ADAMTS20: variants seen among roughly 807,000 people sequenced by gnomAD.
ADAMTS20 encodes A disintegrin and metalloproteinase with thrombospondin motifs 20.
A neutral mutation model predicts 260.1 loss-of-function variants in ADAMTS20; 225 were observed. The ratio of observed to expected loss-of-function variants is 0.87; its 90% CI spans 0.78 to 0.97. ADAMTS20 has a LOEUF of 0.97. ADAMTS20 is among the 50% of genes least tolerant of loss of function. ADAMTS20 has a pLI of 0.00. For synonymous variants in ADAMTS20, 802 were observed against 769.5 expected (o/e 1.04, Z -0.70); for missense variants, 2,400 against 2,337.7 (o/e 1.03, Z -0.55).
chr12:43,360,224 G>GTA (rs1939837622), intron 37 of ADAMTS20, among the ~76,000 whole-genome samples: 1 of 152,166 alleles, frequency 6.6e-6, no homozygotes, highest in African/African-American at 2.4e-5. Flanking sequence ...TGAGGTGGAT[G>GTA]TATCACCTGA....
intron 7 of ADAMTS20, among the ~76,000 whole-genome samples, chr12:43,479,165 G>A (rs539002778): frequency 2.6e-5 from 4 of 152,286 alleles, no homozygotes; most frequent in African/African-American, 7.2e-5. Flanking sequence ...GAGATAAAGA[G>A]AGTCACTACA....
chr12:43,405,870 G>A (rs1369281084), intron 28 of ADAMTS20, among the ~76,000 whole-genome samples: 1 of 152,128 alleles, frequency 6.6e-6, no homozygotes, highest in African/African-American at 2.4e-5. Context: ...ATAAGTCATC[G>A]TTGAAAATGT....
chr12:43,373,670 CTTTTTTTTTTTTTT>C (rs71091149), intron 36 of ADAMTS20, among the ~76,000 whole-genome samples: 2 of 71,262 alleles, frequency 2.8e-5, no homozygotes, highest in Non-Finnish European at 2.4e-5. Context: ...AATATCATCT[CTTTTTTTTTTTTTT>C]TTTTTTTTTT....
intron 2 of ADAMTS20, among the ~76,000 whole-genome samples, chr12:43,535,480 C>A (rs1425264304): frequency 6.6e-6 from 1 of 152,056 alleles, no homozygotes; most frequent in East Asian, 1.9e-4. Flanking sequence ...TATAATTAAC[C>A]TATAAACTCC....
chr12:43,452,037 C>CCA (rs2137351181), intron 14 of ADAMTS20, among the ~76,000 whole-genome samples: 1 of 152,062 alleles, frequency 6.6e-6, no homozygotes, highest in Non-Finnish European at 1.5e-5. Flanking sequence ...GTACAATAGA[C>CCA]CACAGAAAGT....
At chr12:43,502,547 A>G in intron 3 of ADAMTS20, 142 bp from the exon 4 acceptor site, 1 of 833,560 alleles carries the variant, frequency 1.2e-6, no homozygotes, top group Admixed American at 3.0e-5. Flanking sequence ...AGAAATTGTT[A>G]TTTAAAATAG....
At chr12:43,363,838 C>A (rs1473502912) in intron 37 of ADAMTS20, among the ~76,000 whole-genome samples, 2 of 152,146 alleles carry the variant, frequency 1.3e-5, no homozygotes, top group Non-Finnish European at 2.9e-5. Context: ...CTTTCCTGAT[C>A]TCAAAAACAG....
chr12:43,431,982 A>G (rs923988), intron 21 of ADAMTS20, among the ~76,000 whole-genome samples: 48,369 of 151,440 alleles, frequency 0.32, 8,318 homozygotes, highest in East Asian at 0.75. Flanking sequence ...GACTCAAGCA[A>G]TCCTCCCACC....
At chr12:43,470,035 A>T (rs1338486947) in intron 7 of ADAMTS20, among the ~76,000 whole-genome samples, 1 of 152,228 alleles carries the variant, frequency 6.6e-6, no homozygotes, top group Non-Finnish European at 1.5e-5. Context: ...GCAAGGAAAA[A>T]AATTAAAAAG....
chr12:43,421,035 C>T (rs1941223241), intron 28 of ADAMTS20, among the ~76,000 whole-genome samples: 1 of 151,528 alleles, frequency 6.6e-6, no homozygotes, highest in Non-Finnish European at 1.5e-5. Flanking sequence ...TCTCGAACTC[C>T]TGGCCTCAAG....
At position 43,399,058 on chromosome 12, in the gene ADAMTS20, T is replaced by G; in HGVS notation, c.4452+8A>C. ...TACATATATAATTATAAAATATACA[T>G]CATATACCTCATTCCAGCTATTGGC... is the stretch of plus-strand genomic sequence containing the variant. On this transcript the variant is annotated splice_region_variant and intron_variant, in intron 29 of 38. Transcript: ENST00000389420. 1 of 1,477,502 alleles carries G rather than the reference T, an allele frequency of 6.8e-7. No homozygotes were observed. Among genetic ancestry groups the G allele is most frequent in the South Asian group, 1.4e-5 (1 of 71,002 alleles). The allele number at this position is 1,477,502 out of a possible 1,614,324, so 91.5% of individuals were successfully genotyped here.
At chr12:43,376,722 T>G in intron 32 of ADAMTS20, 69 bp from the exon 33 acceptor site, 1 of 1,525,632 alleles carries the variant, frequency 6.6e-7, no homozygotes, top group East Asian at 2.3e-5. Flanking sequence ...CCAAGTCTCC[T>G]TTTCTTAGAC....
chr12:43,399,073 C>A lies in ADAMTS20; in HGVS notation c.4445G>T (p.Trp1482Leu), dbSNP rs746811280. 4.0e-6 allele frequency: 6 copies of A among 1,509,854 alleles called. No individual in the cohort carries two copies. The highest frequency in any genetic ancestry group is 4.4e-6 in the Non-Finnish European group (5 of 1,128,466). The allele number at this position is 1,509,854 out of a possible 1,614,324, so 93.5% of individuals were successfully genotyped here. A position where few individuals can be genotyped will look rare whatever the true frequency, so the allele number is the denominator to read the frequency against. Residue 1482 changes from tryptophan to leucine, a missense_variant, in exon 29 of 39, where the codon TGG (tryptophan) becomes TTG (leucine). Coordinates refer to ENST00000389420, the MANE Select transcript of ADAMTS20 (RefSeq NM_025003.5). ...VRCPSWKANS[W>L]NECSVTCGSG... ...AAAATATACATCATATACCTCATTC[C>A]AGCTATTGGCTTTCCATGAAGGGCA...
At chr12:43,355,374 G>C (rs1381046356) in intron 38 of ADAMTS20, among the ~76,000 whole-genome samples, 1 of 152,172 alleles carries the variant, frequency 6.6e-6, no homozygotes, top group Non-Finnish European at 1.5e-5. Flanking sequence ...CCAGGCATCA[G>C]ATTTCAAGAA....
intron 3 of ADAMTS20, among the ~76,000 whole-genome samples, chr12:43,530,167 C>A (rs1943200933): frequency 6.6e-6 from 1 of 151,912 alleles, no homozygotes; most frequent in Admixed American, 6.6e-5. Context: ...TAGTATAAAA[C>A]TGTTTAACAA....
At chr12:43,466,456 A>G (rs916188323) in intron 9 of ADAMTS20, among the ~76,000 whole-genome samples, 196 bp downstream of exon 9, 1 of 151,540 alleles carries the variant, frequency 6.6e-6, no homozygotes, top group African/African-American at 2.4e-5. Context: ...AAAGAGTGAA[A>G]TTATATACAT....
chr12:43,480,393 A>T (rs1042881389), intron 7 of ADAMTS20, among the ~76,000 whole-genome samples: 1 of 152,144 alleles, frequency 6.6e-6, no homozygotes, highest in Non-Finnish European at 1.5e-5. Flanking sequence ...ATAAACATGG[A>T]AGTGCAACTG....
In ADAMTS20 at chr12:43,525,569, T is replaced by C. The variant is rs548058947; in HGVS notation, c.613+6467A>G. 3.3e-5 allele frequency among the ~76,000 whole-genome samples: 5 copies of C among 152,260 alleles called. No homozygotes were observed. The South Asian group carries it at 1.0e-3, about 32-fold the overall frequency. ...TGGCCTACATTCTCCACTTAAAAGA[T>C]ACAGATGGGCAGAATGGATTTTTAA... On this transcript the variant is annotated intron_variant, in intron 3 of 38. Coordinates refer to ENST00000389420, the MANE Select transcript of ADAMTS20 (RefSeq NM_025003.5).
intron 28 of ADAMTS20, among the ~76,000 whole-genome samples, chr12:43,420,063 C>A (rs951745410): frequency 2.6e-5 from 4 of 152,138 alleles, no homozygotes; most frequent in Non-Finnish European, 4.4e-5. Context: ...GTAGAAGGAA[C>A]AATTGCCGAA....
Sources: gnomAD v4.1 joint callset for allele counts (sites outside exome capture counted in the v4.1 genomes callset) on GRCh38, gnomAD v4.1.1 for gene constraint, MANE v1.5 for transcripts, NCBI Gene and HGNC (gene_info 2026-07-23, HGNC 2026-07-21) for gene names.